Variants in PIEZO2 observed in about 807,000 individuals in gnomAD.
PIEZO2 encodes piezo type mechanosensitive ion channel component 2.
In PIEZO2, 172 loss-of-function variants were observed where a neutral mutation model predicts 337.3. The observed-to-expected ratio is 0.51, with a 90% CI of 0.45 to 0.58. The LOEUF (loss-of-function observed/expected upper bound fraction) is 0.58, where lower values mean the gene tolerates loss of function less well. Ranked by LOEUF, PIEZO2 falls within the 20% of genes least tolerant of loss-of-function variation. PIEZO2 has a pLI of 0.00. For synonymous variants in PIEZO2, 1,251 were observed against 1,228.5 expected (o/e 1.02, Z -0.38); for missense variants, 3,028 against 3,391.3 (o/e 0.89, Z 2.66).
intron 2 of PIEZO2, among the ~76,000 whole-genome samples, chr18:11,053,178 T>A (rs1389866621): frequency 1.3e-5 from 2 of 152,244 alleles, no homozygotes; most frequent in Admixed American, 1.3e-4. Context: ...AATAATTTTA[T>A]GAACTTAGTA....
At chr18:10,848,727 G>A (rs1475277294) in intron 7 of PIEZO2, among the ~76,000 whole-genome samples, 3 of 152,150 alleles carry the variant, frequency 2.0e-5, no homozygotes, top group Admixed American at 2.0e-4. Flanking sequence ...AGCCAGTCAA[G>A]GATTAAAAGA....
At chr18:11,121,519 T>C (rs565984360) in intron 1 of PIEZO2, among the ~76,000 whole-genome samples, 7 of 152,178 alleles carry the variant, frequency 4.6e-5, no homozygotes, top group African/African-American at 1.7e-4. Context: ...TGAGTTATGA[T>C]TGCACCTCTG....
rs901079713 is a variant in PIEZO2, at chr18:10,794,574, T to A, written c.1758+198A>T. Among the ~76,000 whole-genome samples, 22 of 152,340 alleles carry A rather than the reference T, an allele frequency of 1.4e-4. No homozygotes were observed. The highest frequency in any genetic ancestry group is 5.0e-4 in the African/African-American group (21 of 41,586). ...TCATTCCTAAGTAAAAGCTAAATCATGGTGTAATATATGTTCATGTTTAAA... is the reference window on the plus strand; with the variant it reads ...TCATTCCTAAGTAAAAGCTAAATCAAGGTGTAATATATGTTCATGTTTAAA... On this transcript the variant is annotated intron_variant, in intron 13 of 55. Coordinates refer to ENST00000674853, the MANE Select transcript of PIEZO2 (RefSeq NM_001378183.1). The surrounding 1 kb of genome is among the most constrained non-coding windows in gnomAD (Gnocchi z 6.6).
At position 10,969,668 on chromosome 18, in the gene PIEZO2, A is replaced by G. The variant is rs1249997345; in HGVS notation, c.286+9867T>C. Among the ~76,000 whole-genome samples the G allele has an allele frequency of 6.6e-6, 1 of 152,136 alleles. No homozygotes were observed. Among genetic ancestry groups the G allele is most frequent in the African/African-American group, 2.4e-5 (1 of 41,424 alleles). On this transcript the variant is annotated intron_variant, in intron 3 of 55. Coordinates refer to ENST00000674853, the MANE Select transcript of PIEZO2 (RefSeq NM_001378183.1). This position sits in a 1 kb window ranked among gnomAD's most constrained non-coding sequence, Gnocchi z 4.5. Reference sequence around the variant, plus strand: ...GAGAAATAAAACACGTCATTCTAATATTTCTTCATGAATTAAAAAGATGAG... The same window carrying G: ...GAGAAATAAAACACGTCATTCTAATGTTTCTTCATGAATTAAAAAGATGAG...
intron 7 of PIEZO2, among the ~76,000 whole-genome samples, chr18:10,823,148 A>C (rs984521762): frequency 2.0e-5 from 3 of 152,238 alleles, no homozygotes; most frequent in Non-Finnish European, 2.9e-5. Context: ...GCTTGAAAGA[A>C]TTTGCACTGG....
intron 2 of PIEZO2, among the ~76,000 whole-genome samples, chr18:11,053,662 C>T (rs887515093): frequency 5.9e-5 from 9 of 152,210 alleles, no homozygotes; most frequent in Non-Finnish European, 1.2e-4. Context: ...ATACACTCTT[C>T]TACCATATTG....
At position 11,099,471 on chromosome 18, in the gene PIEZO2, C is replaced by T. The variant is rs975407178; in HGVS notation, c.65-33249G>A. Among the ~76,000 whole-genome samples, 35 of 152,174 alleles carry T rather than the reference C, an allele frequency of 2.3e-4. No individual in the cohort carries two copies. The highest frequency in any genetic ancestry group is 8.2e-4 in the African/African-American group (34 of 41,534). On this transcript the variant is annotated intron_variant, in intron 1 of 55. Coordinates refer to ENST00000674853, the MANE Select transcript of PIEZO2 (RefSeq NM_001378183.1). This position sits in a 1 kb window ranked among gnomAD's most constrained non-coding sequence, Gnocchi z 5.4. ...TAACATTTCAATTTATATCTTTATT[C>T]TTTTTTTCTTTTTGAGACAGAGTCT...
intron 4 of PIEZO2, among the ~76,000 whole-genome samples, chr18:10,879,391 CTTTTTT>C (rs11385433): frequency 1.9e-5 from 2 of 106,024 alleles, no homozygotes; most frequent in East Asian, 2.9e-4. Context: ...CCTTTCCAAT[CTTTTTT>C]TTTTTTTTTT....
Position 10,731,400 on chromosome 18 carries a change from C to T in PIEZO2, c.5029+7G>A. 1 of 1,526,898 alleles carries T rather than the reference C, an allele frequency of 6.5e-7. No homozygotes were observed. Among genetic ancestry groups the T allele is most frequent in the Non-Finnish European group, 8.8e-7 (1 of 1,140,562 alleles). The allele number at this position is 1,526,898 out of a possible 1,614,324, so 94.6% of individuals were successfully genotyped here. A position where few individuals can be genotyped will look rare whatever the true frequency, so the allele number is the denominator to read the frequency against. On this transcript the variant is annotated splice_region_variant and intron_variant, in intron 36 of 55. Coordinates refer to ENST00000674853, the MANE Select transcript of PIEZO2 (RefSeq NM_001378183.1). ...CACCCACCACAGCCACCCCACCCAC[C>T]ACTCACCCTCCTTGGATCCTTTCCG...
Position 11,099,353 on chromosome 18 carries a change from A to G in PIEZO2, c.65-33131T>C, listed in dbSNP as rs1233847186. On this transcript the variant is annotated intron_variant, in intron 1 of 55. Transcript: ENST00000674853. The surrounding 1 kb of genome is among the most constrained non-coding windows in gnomAD (Gnocchi z 5.4). ...ACTTTGAAAATTATATATCCCACAT[A>G]GAAGTTCCTTGTTAAATGCACCCTC... 6.6e-6 allele frequency among the ~76,000 whole-genome samples: 1 copy of G among 152,248 alleles called. No homozygotes were observed. Among genetic ancestry groups the G allele is most frequent in the East Asian group, 1.9e-4 (1 of 5,198 alleles).
At chr18:10,776,101 C>G (rs1016640967) in intron 18 of PIEZO2, among the ~76,000 whole-genome samples, 4 of 152,148 alleles carry the variant, frequency 2.6e-5, no homozygotes, top group African/African-American at 4.8e-5. Flanking sequence ...TTGTGTGAAT[C>G]CTTTTACTTT....
At chr18:10,961,863 A>G (rs1037794824) in intron 3 of PIEZO2, among the ~76,000 whole-genome samples, 3 of 152,234 alleles carry the variant, frequency 2.0e-5, no homozygotes, top group African/African-American at 7.2e-5. Context: ...CTAAGAGGAA[A>G]CAAATTTAAA....
intron 2 of PIEZO2, among the ~76,000 whole-genome samples, chr18:11,065,280 C>G (rs755749240): frequency 2.8e-4 from 43 of 152,218 alleles, no homozygotes; most frequent in Admixed American, 1.7e-3. Flanking sequence ...CCACACCACT[C>G]CATAGATGGG....
At chr18:11,067,664 T>C (rs961279973) in intron 1 of PIEZO2, among the ~76,000 whole-genome samples, 15 of 152,180 alleles carry the variant, frequency 9.9e-5, no homozygotes, top group Non-Finnish European at 2.2e-4. Context: ...GGAACAATTG[T>C]AATGGTTGTA....
At chr18:10,782,883 A>G (rs973870240) in intron 17 of PIEZO2, among the ~76,000 whole-genome samples, 3 of 152,134 alleles carry the variant, frequency 2.0e-5, no homozygotes, top group Admixed American at 2.0e-4. Flanking sequence ...ACCTTAATTC[A>G]GTTTTCACAT....
intron 3 of PIEZO2, among the ~76,000 whole-genome samples, chr18:10,971,959 T>C (rs1050154508): frequency 6.6e-6 from 1 of 152,086 alleles, no homozygotes; most frequent in South Asian, 2.1e-4. Context: ...AGTAATACGA[T>C]AGTGAAAGCC....
At position 10,781,473 on chromosome 18, in the gene PIEZO2, T is replaced by TA. The variant is rs11373818; in HGVS notation, c.2493-1108dup. 0.43 allele frequency among the ~76,000 whole-genome samples: 49,302 copies of TA among 114,468 alleles called. 8,516 individuals carry two copies. Among genetic ancestry groups the TA allele is most frequent in the African/African-American group, 0.55 (18,653 of 34,142 alleles). 75.1% of individuals were successfully genotyped at this position (114,468 alleles called of 152,430 possible). A position where few individuals can be genotyped will look rare whatever the true frequency, so the allele number is the denominator to read the frequency against. ...CAACAGAGCGAGACTCCGTTTCAAA[T>TA]AAAAAAAAAAACCAGTAATGAATAT... On this transcript the variant is annotated intron_variant, in intron 17 of 55. Transcript: ENST00000674853. This position sits in a 1 kb window ranked among gnomAD's most constrained non-coding sequence, Gnocchi z 4.1.
Position 10,982,448 on chromosome 18 carries a change from A to G in PIEZO2, c.161-2788T>C, listed in dbSNP as rs1312062040. On this transcript the variant is annotated intron_variant, in intron 2 of 55. Coordinates refer to ENST00000674853, the MANE Select transcript of PIEZO2 (RefSeq NM_001378183.1). This position sits in a 1 kb window ranked among gnomAD's most constrained non-coding sequence, Gnocchi z 4.1. ...ACATGCATGAATGAGGTGACTCAAT[A>G]TGATAAAAATGTCAATTTCCCCAAA... Among the ~76,000 whole-genome samples the G allele has an allele frequency of 1.3e-5, 2 of 152,242 alleles. No homozygotes were observed. The highest frequency in any genetic ancestry group is 2.9e-5 in the Non-Finnish European group (2 of 68,044).
chr18:10,885,229 C>T (rs2042543024), intron 4 of PIEZO2, among the ~76,000 whole-genome samples: 1 of 151,966 alleles, frequency 6.6e-6, no homozygotes, highest in African/African-American at 2.4e-5. Flanking sequence ...TCGAGACCAT[C>T]CTGGCTAACA....
Sources: allele counts gnomAD v4.1 joint callset (sites outside exome capture counted in the v4.1 genomes callset), GRCh38; gene constraint gnomAD v4.1.1; non-coding constraint Gnocchi (gnomAD v3.1); transcripts MANE v1.5; gene names NCBI Gene and HGNC (gene_info 2026-07-23, HGNC 2026-07-21).